TEC: variants seen among roughly 807,000 people sequenced by gnomAD.
TEC encodes the protein tyrosine-protein kinase Tec.
A neutral mutation model predicts 93.0 loss-of-function variants in TEC; 72 were observed. That is an observed-to-expected ratio of 0.77 (90% CI 0.64 to 0.94). The LOEUF (loss-of-function observed/expected upper bound fraction) is 0.94, where lower values mean the gene tolerates loss of function less well. Ranked by LOEUF, TEC falls within the 40% of genes least tolerant of loss-of-function variation. The probability of loss-of-function intolerance (pLI) is 0.00; values close to 1 mark genes in which losing one functional copy is unlikely to be tolerated. For synonymous variants in TEC, 249 were observed against 247.7 expected (o/e 1.01, Z -0.05); for missense variants, 630 against 757.9 (o/e 0.83, Z 1.98).
At chr4:48,176,895 C>A (rs2109556874) in intron 2 of TEC, among the ~76,000 whole-genome samples, 1 of 152,324 alleles carries the variant, frequency 6.6e-6, no homozygotes, top group East Asian at 1.9e-4. Flanking sequence ...CAACTTCCAG[C>A]CAGCTCTGTT....
At chr4:48,254,887 AAAGGGACACAGC>A (rs1724300361) in intron 1 of TEC, among the ~76,000 whole-genome samples, 1 of 151,936 alleles carries the variant, frequency 6.6e-6, no homozygotes, top group Admixed American at 6.5e-5. Flanking sequence ...TACTGACCTA[AAAGGGACACAGC>A]AAGCTGAACA....
intron 9 of TEC, chr4:48,153,644 T>G (rs971743408): frequency 6.6e-6 from 1 of 152,162 alleles, no homozygotes; most frequent in African/African-American, 2.4e-5. Context: ...CACAAAAAAT[T>G]TGCAACCTCC....
Position 48,212,110 on chromosome 4 carries a change from A to AAAAATATATAT in TEC, c.138+16366_138+16367insATATATATTTT. Among the ~76,000 whole-genome samples, 194 of 122,198 alleles carry AAAAATATATAT rather than the reference A, an allele frequency of 1.6e-3. 1 individual carries two copies. The highest frequency in any genetic ancestry group is 8.5e-3 in the Middle Eastern group (2 of 234). 80.2% of individuals were successfully genotyped at this position (122,198 alleles called of 152,430 possible). On this transcript the variant is annotated intron_variant, in intron 2 of 17. Coordinates refer to ENST00000381501, the MANE Select transcript of TEC (RefSeq NM_003215.3). ...TGAGACTCTGTCTCAAAAAAAAAAAAATATATATATATATATATATATGTA... is the reference window on the plus strand; with the variant it reads ...TGAGACTCTGTCTCAAAAAAAAAAAAAAAATATATATATATATATATATATATATATATGTA...
chr4:48,198,350 T>C (rs1272971307), intron 2 of TEC, among the ~76,000 whole-genome samples: 2 of 152,158 alleles, frequency 1.3e-5, no homozygotes. Flanking sequence ...AGGTTCCAGG[T>C]GGGCTAACTA....
intron 3 of TEC, among the ~76,000 whole-genome samples, chr4:48,172,636 G>A (rs915596628): frequency 1.4e-5 from 2 of 143,632 alleles, no homozygotes; most frequent in African/African-American, 5.1e-5. Flanking sequence ...GAACACCATA[G>A]AACAAATGAT....
Position 48,199,455 on chromosome 4 carries a change from C to CTTTTTTTTTTTTTTT in TEC, c.139-23284_139-23270dup, listed in dbSNP as rs34965891. 1.5e-3 allele frequency among the ~76,000 whole-genome samples: 102 copies of CTTTTTTTTTTTTTTT among 67,364 alleles called. 8 individuals carry two copies. The highest frequency in any genetic ancestry group is 2.1e-3 in the Non-Finnish European group (81 of 38,666). The allele number at this position is 67,364 out of a possible 152,430, so 44.2% of individuals were successfully genotyped here. A position where few individuals can be genotyped will look rare whatever the true frequency, so the allele number is the denominator to read the frequency against. ...CTGGGCTACAGAAAGGATTTTCTTT[C>CTTTTTTTTTTTTTTT]TTTTTTTTTTTTTTTTTTTTTTTTT... On this transcript the variant is annotated intron_variant, in intron 2 of 17. Coordinates refer to ENST00000381501, the MANE Select transcript of TEC (RefSeq NM_003215.3).
chr4:48,157,188 G>T (rs1443783139), intron 8 of TEC, among the ~76,000 whole-genome samples: 2 of 152,160 alleles, frequency 1.3e-5, no homozygotes, highest in South Asian at 2.1e-4. Context: ...AAACATGCAG[G>T]AAGTGTCCCT....
chr4:48,259,387 C>T (rs1432551032), intron 1 of TEC, among the ~76,000 whole-genome samples: 5 of 152,000 alleles, frequency 3.3e-5, no homozygotes, highest in African/African-American at 9.7e-5. Flanking sequence ...AGAAATCCAC[C>T]CAAGGCTTTA....
chr4:48,179,628 A>G (rs1721507079), intron 2 of TEC, among the ~76,000 whole-genome samples: 1 of 151,766 alleles, frequency 6.6e-6, no homozygotes, highest in Admixed American at 6.6e-5. Flanking sequence ...ACCTCAGGTA[A>G]TCCACCCACC....
chr4:48,164,850 A>G (rs1263475340), intron 7 of TEC, among the ~76,000 whole-genome samples: 1 of 152,122 alleles, frequency 6.6e-6, no homozygotes, highest in Non-Finnish European at 1.5e-5. Context: ...AAAAAATACA[A>G]AAATTAGCTG....
At chr4:48,154,427 C>T (rs546493679) in intron 9 of TEC, among the ~76,000 whole-genome samples, 64 of 152,132 alleles carry the variant, frequency 4.2e-4, no homozygotes, top group Middle Eastern at 3.4e-3. Context: ...AGATTTTTTA[C>T]TGGAAATTAG....
chr4:48,203,074 G>C (rs1336145277), intron 2 of TEC, among the ~76,000 whole-genome samples: 2 of 152,148 alleles, frequency 1.3e-5, no homozygotes, highest in East Asian at 3.9e-4. Flanking sequence ...AAAGAACTTG[G>C]ATTTTATGGC....
intron 4 of TEC, among the ~76,000 whole-genome samples, 168 bp from the exon 5 acceptor site, chr4:48,170,544 A>G (rs1324110313): frequency 6.6e-6 from 1 of 152,080 alleles, no homozygotes; most frequent in Admixed American, 6.6e-5. Flanking sequence ...GTTCTCTTTG[A>G]CCTCTTCTTT....
intron 9 of TEC, among the ~76,000 whole-genome samples, chr4:48,154,055 C>T (rs772324080): frequency 2.0e-5 from 3 of 152,198 alleles, no homozygotes; most frequent in African/African-American, 4.8e-5. Flanking sequence ...TAAATTGCTA[C>T]AGGGTATGCT....
chr4:48,163,704 A>T lies in TEC; in HGVS notation c.735T>A (p.Tyr245Ter). ...TGKKSNNLDQ[Y>*]EWYCRNMNRS... ...TCACAAAATAAACATTTACTTACTC[A>T]TATTGATCTAAGTTGTTTGATTTCT... Residue 245 changes from tyrosine (Y) to a stop codon, truncating the protein, a stop_gained and splice_region_variant, in exon 8 of 18, where the codon TAT becomes TAA. Coordinates refer to ENST00000381501, the MANE Select transcript of TEC (RefSeq NM_003215.3). LOFTEE classifies it high-confidence loss of function. 1 of 1,467,044 alleles carries T rather than the reference A, an allele frequency of 6.8e-7. No homozygotes were observed. 90.9% of individuals were successfully genotyped at this position (1,467,044 alleles called of 1,614,324 possible).
chr4:48,219,075 G>A (rs1048252081), intron 2 of TEC, among the ~76,000 whole-genome samples: 1 of 152,044 alleles, frequency 6.6e-6, no homozygotes, highest in Non-Finnish European at 1.5e-5. Flanking sequence ...GGACCATGAA[G>A]AATTATCAGT....
At chr4:48,155,012 G>A (rs1037713692) in intron 9 of TEC, among the ~76,000 whole-genome samples, 1 of 152,206 alleles carries the variant, frequency 6.6e-6, no homozygotes, top group Non-Finnish European at 1.5e-5. Flanking sequence ...AAAAGGGCCA[G>A]GGTCCCTTGG....
chr4:48,215,856 G>A (rs1377320074), intron 2 of TEC, among the ~76,000 whole-genome samples: 3 of 152,148 alleles, frequency 2.0e-5, no homozygotes, highest in Non-Finnish European at 4.4e-5. Context: ...CAGAGAGCAT[G>A]ATCCAGAAAT....
chr4:48,173,632 G>A (rs1721204524), intron 3 of TEC, among the ~76,000 whole-genome samples: 1 of 152,170 alleles, frequency 6.6e-6, no homozygotes, highest in Non-Finnish European at 1.5e-5. Context: ...TAAACAAGGA[G>A]GGAATACTCT....
Sources: gnomAD v4.1 joint callset for allele counts (sites outside exome capture counted in the v4.1 genomes callset) on GRCh38, gnomAD v4.1.1 for gene constraint, MANE v1.5 for transcripts, NCBI Gene and HGNC (gene_info 2026-07-23, HGNC 2026-07-21) for gene names.